Variants in SYNPR observed in about 807,000 individuals in gnomAD.
The protein encoded by SYNPR is synaptoporin.
In SYNPR, 23 loss-of-function variants were observed where a neutral mutation model predicts 32.9. The observed-to-expected ratio is 0.70, with a 90% CI of 0.50 to 0.99. The LOEUF is 0.99. SYNPR is among the 50% of genes least tolerant of loss of function. The probability of loss-of-function intolerance (pLI) is 0.00; values close to 1 mark genes in which losing one functional copy is unlikely to be tolerated. For missense variants in SYNPR, 318 were observed against 349.3 expected (o/e 0.91, Z 0.71); for synonymous variants, 146 against 135.9 (o/e 1.07, Z -0.52).
chr3:63,491,733 C>T (rs1161370271), intron 3 of SYNPR, among the ~76,000 whole-genome samples: 1 of 152,066 alleles, frequency 6.6e-6, no homozygotes, highest in Non-Finnish European at 1.5e-5. Context: ...GTTGGCCATG[C>T]TGTTCTCGAA....
intron 1 of SYNPR, among the ~76,000 whole-genome samples, chr3:63,231,426 A>G (rs531845795): frequency 6.6e-6 from 1 of 152,250 alleles, no homozygotes; most frequent in Admixed American, 6.5e-5. Flanking sequence ...ATTCACCACT[A>G]AAGAACTCAT....
chr3:63,563,098 G>C (rs6763576), intron 4 of SYNPR, among the ~76,000 whole-genome samples: 67,034 of 151,848 alleles, frequency 0.44, 15,642 homozygotes, highest in African/African-American at 0.59. Flanking sequence ...AGGAAAATTG[G>C]AGGCACTTTC....
At chr3:63,569,678 G>GCA (rs1702852823) in intron 4 of SYNPR, among the ~76,000 whole-genome samples, 2 of 152,238 alleles carry the variant, frequency 1.3e-5, no homozygotes, top group Admixed American at 1.3e-4. Flanking sequence ...CGTAGGCCCA[G>GCA]TGCTGGGCTC....
chr3:63,540,190 G>A (rs1702274124), intron 3 of SYNPR, among the ~76,000 whole-genome samples: 1 of 152,080 alleles, frequency 6.6e-6, no homozygotes, highest in Admixed American at 6.6e-5. Context: ...TTATGAAGTA[G>A]GTCATGTTAT....
At chr3:63,544,594 G>A (rs2106810055) in intron 3 of SYNPR, among the ~76,000 whole-genome samples, 1 of 152,160 alleles carries the variant, frequency 6.6e-6, no homozygotes, top group East Asian at 1.9e-4. Context: ...CATGAATAAT[G>A]AAATGACAGT....
At chr3:63,256,789 C>A (rs542550664) in intron 2 of SYNPR, among the ~76,000 whole-genome samples, 5 of 152,028 alleles carry the variant, frequency 3.3e-5, no homozygotes, top group Admixed American at 3.3e-4. Flanking sequence ...GGAAGAAGTT[C>A]GAACCCATGG....
At chr3:63,369,979 T>A (rs2087775670) in intron 2 of SYNPR, among the ~76,000 whole-genome samples, 1 of 152,062 alleles carries the variant, frequency 6.6e-6, no homozygotes, top group African/African-American at 2.4e-5. Flanking sequence ...GAAAAGAGGG[T>A]CATGAATGAA....
At chr3:63,388,228 C>A (rs1364825515) in intron 2 of SYNPR, among the ~76,000 whole-genome samples, 1 of 152,070 alleles carries the variant, frequency 6.6e-6, no homozygotes, top group Non-Finnish European at 1.5e-5. Context: ...GCATTCCCAG[C>A]AAGCAGTGTG....
chr3:63,540,930 AACACAC>A (rs58295090), intron 3 of SYNPR, among the ~76,000 whole-genome samples: 21 of 122,844 alleles, frequency 1.7e-4, no homozygotes, highest in South Asian at 5.7e-4. Context: ...TCCCCCCCCC[AACACAC>A]ACACACACAC....
chr3:63,433,952 A>G (rs1164857109), intron 2 of SYNPR, among the ~76,000 whole-genome samples: 1 of 152,172 alleles, frequency 6.6e-6, no homozygotes, highest in Non-Finnish European at 1.5e-5. Context: ...GCTGCAGGGC[A>G]TCATCACCAC....
intron 3 of SYNPR, among the ~76,000 whole-genome samples, chr3:63,484,154 T>C (rs1417707120): frequency 1.3e-5 from 2 of 152,240 alleles, no homozygotes; most frequent in African/African-American, 2.4e-5. Context: ...CAGCACCATA[T>C]GTATGTGTTC....
At chr3:63,249,180 T>C (rs894649075) in intron 1 of SYNPR, among the ~76,000 whole-genome samples, 6 of 152,098 alleles carry the variant, frequency 3.9e-5, no homozygotes, top group Non-Finnish European at 8.8e-5. Context: ...CCAGAATATC[T>C]GTGAGAATAT....
chr3:63,390,211 T>C (rs1042296175), intron 2 of SYNPR, among the ~76,000 whole-genome samples: 5 of 152,170 alleles, frequency 3.3e-5, no homozygotes, highest in African/African-American at 1.2e-4. Flanking sequence ...TTGCCTATTT[T>C]TGAATTTTAA....
chr3:63,459,933 C>A (rs1700550368), intron 2 of SYNPR, among the ~76,000 whole-genome samples: 1 of 152,042 alleles, frequency 6.6e-6, no homozygotes, highest in Non-Finnish European at 1.5e-5. Flanking sequence ...AAATCCTGTC[C>A]ATTTTCCCTC....
intron 2 of SYNPR, among the ~76,000 whole-genome samples, chr3:63,288,178 A>C (rs1284841406): frequency 1.3e-5 from 2 of 152,200 alleles, no homozygotes; most frequent in Admixed American, 6.5e-5. Flanking sequence ...CCAGTCTACA[A>C]ATTGGTTGCC....
intron 2 of SYNPR, among the ~76,000 whole-genome samples, chr3:63,410,072 A>C (rs1479927279): frequency 6.6e-6 from 1 of 152,132 alleles, no homozygotes; most frequent in Non-Finnish European, 1.5e-5. Context: ...CCACTGACTT[A>C]CACATTGTTT....
At chr3:63,359,353 C>T (rs1297041777) in intron 2 of SYNPR, among the ~76,000 whole-genome samples, 10 of 152,222 alleles carry the variant, frequency 6.6e-5, no homozygotes, top group Non-Finnish European at 1.5e-4. Flanking sequence ...ACAGCTTCCC[C>T]TCACCTTATC....
chr3:63,258,825 G>A (rs987681735), intron 2 of SYNPR, among the ~76,000 whole-genome samples: 1 of 152,106 alleles, frequency 6.6e-6, no homozygotes, highest in Non-Finnish European at 1.5e-5. Context: ...TAGACCGCTA[G>A]CAAGACTAAT....
At chr3:63,603,463 T>A (rs1026496200) in intron 4 of SYNPR, among the ~76,000 whole-genome samples, 2 of 152,198 alleles carry the variant, frequency 1.3e-5, no homozygotes, top group African/African-American at 4.8e-5. Flanking sequence ...ATATTCAGTA[T>A]GATGTTGGCT....
Sources: allele counts gnomAD v4.1 joint callset (sites outside exome capture counted in the v4.1 genomes callset), GRCh38; gene constraint gnomAD v4.1.1; transcripts MANE v1.5; gene names NCBI Gene and HGNC (gene_info 2026-07-23, HGNC 2026-07-21).